SP110: variants seen among roughly 807,000 people sequenced by gnomAD.
SP110 encodes the protein SP110 nuclear body protein, also known as interferon-induced protein 41, 30kD.
SP110 carries 62 observed loss-of-function variants against 92.7 expected under a neutral mutation model. The ratio of observed to expected loss-of-function variants is 0.67; its 90% CI spans 0.55 to 0.83. SP110 has a LOEUF of 0.83. SP110 is among the 40% of genes least tolerant of loss of function. The probability of loss-of-function intolerance (pLI) is 0.00; values close to 1 mark genes in which losing one functional copy is unlikely to be tolerated. For synonymous variants in SP110, 273 were observed against 305.3 expected (o/e 0.89, Z 1.10); for missense variants, 793 against 863.9 (o/e 0.92, Z 1.03).
At chr2:230,207,408 T>C (rs996283322) in intron 8 of SP110, among the ~76,000 whole-genome samples, 16 of 152,158 alleles carry the variant, frequency 1.1e-4, no homozygotes, top group African/African-American at 3.9e-4. Flanking sequence ...GCAGCACTCA[T>C]ATATATAAGG....
chr2:230,176,707 A>G (rs774716172), intron 14 of SP110: 1 of 1,613,940 alleles, frequency 6.2e-7, no homozygotes, highest in African/African-American at 1.3e-5. Flanking sequence ...TTCTTGGAGG[A>G]CAGAGCAAAA....
intron 2 of SP110, 55 bp downstream of exon 2, chr2:230,216,726 A>G (rs1453208826): frequency 1.9e-6 from 3 of 1,604,260 alleles, no homozygotes; most frequent in Non-Finnish European, 2.6e-6. Context: ...AGACTTTAAT[A>G]ATCAGGCATA....
intron 2 of SP110, among the ~76,000 whole-genome samples, chr2:230,216,576 T>A (rs895484807): frequency 6.6e-6 from 1 of 152,206 alleles, no homozygotes; most frequent in Non-Finnish European, 1.5e-5. Context: ...TAGTCATTGT[T>A]ACAGCAGTCC....
At chr2:230,218,399 T>C (rs1399651161) in intron 1 of SP110, among the ~76,000 whole-genome samples, 1 of 152,106 alleles carries the variant, frequency 6.6e-6, no homozygotes, top group Non-Finnish European at 1.5e-5. Context: ...AAAGATGCCA[T>C]TGAGAGTCTG....
chr2:230,221,700 C>G (rs973358608), upstream of SP110: 1 of 1,535,912 alleles, frequency 6.5e-7, no homozygotes, highest in Non-Finnish European at 8.7e-7. Context: ...TCACATGTCA[C>G]TTACCTGAAG....
upstream of SP110, among the ~76,000 whole-genome samples, chr2:230,224,603 T>A (rs2046113181): frequency 6.6e-6 from 1 of 152,160 alleles, no homozygotes; most frequent in Non-Finnish European, 1.5e-5. Context: ...CAGATTGGTG[T>A]TTGTTCCTTT....
At chr2:230,203,623 A>G (rs1205438726) in intron 8 of SP110, 1 of 148,842 alleles carries the variant, frequency 6.7e-6, no homozygotes, top group Non-Finnish European at 1.5e-5. Context: ...TGCCAAGTTT[A>G]GGGTTTTTTT....
At chr2:230,191,959 T>C (rs1376185412) in intron 10 of SP110, among the ~76,000 whole-genome samples, 1 of 152,222 alleles carries the variant, frequency 6.6e-6, no homozygotes, top group East Asian at 1.9e-4. Flanking sequence ...GTTTCATCTC[T>C]GAGATGCAAG....
chr2:230,203,070 G>C (rs1232028088), intron 8 of SP110: 4 of 347,896 alleles, frequency 1.1e-5, no homozygotes, highest in Non-Finnish European at 2.2e-5. Context: ...GTGGAGAGGA[G>C]GTGTCTTATA....
chr2:230,212,399 A>T lies in SP110; in HGVS notation c.615T>A (p.Asn205Lys). Residue 205 changes from asparagine (N) to lysine (K), a missense_variant, in exon 5 of 19, where the codon AAT (asparagine) becomes AAA (lysine). Physicochemically the swap from Asn to Lys is moderately conservative, Grantham distance 94. Coordinates refer to ENST00000258381, the MANE Select transcript of SP110 (RefSeq NM_080424.4). ...GCATCTCTTCTGAGTCTTCTTCCGC[A>T]TTCATTTTGGATGTTAACTTGTCAT... ...VTNDKLTSKM[N>K]AEEDSEEMPS... The T allele has an allele frequency of 6.2e-7, 1 of 1,612,922 alleles. No individual in the cohort carries two copies. The highest frequency in any genetic ancestry group is 2.2e-5 in the East Asian group (1 of 44,884).
chr2:230,219,197 C>T (rs967780721), intron 1 of SP110, among the ~76,000 whole-genome samples: 4 of 152,204 alleles, frequency 2.6e-5, no homozygotes, highest in Non-Finnish European at 5.9e-5. Flanking sequence ...TGCACTCCAG[C>T]CTGGGTGACA....
Position 230,181,205 on chromosome 2 carries a change from A to C in SP110, c.1348+2367T>G, listed in dbSNP as rs116156957. Among the ~76,000 whole-genome samples, 1,223 of 152,356 alleles carry C rather than the reference A, an allele frequency of 8.0e-3. 17 individuals are homozygous for C. Among genetic ancestry groups the C allele is most frequent in the African/African-American group, 0.028 (1,168 of 41,584 alleles). Reference sequence around the variant, plus strand: ...AGAAGGCAGAAAAGGGTTTGGTTTCAAGAATTGGCTCTGACAGATGAGGTA... The same window carrying C: ...AGAAGGCAGAAAAGGGTTTGGTTTCCAGAATTGGCTCTGACAGATGAGGTA... On this transcript the variant is annotated intron_variant, in intron 12 of 18. Transcript: ENST00000258381.
intron 12 of SP110, among the ~76,000 whole-genome samples, chr2:230,180,666 A>C (rs1391977574): frequency 6.6e-6 from 1 of 152,194 alleles, no homozygotes; most frequent in African/African-American, 2.4e-5. Context: ...CCCAGTATCT[A>C]GCGCTCTTTC....
intron 14 of SP110, chr2:230,173,862 A>G (rs751071128): frequency 5.3e-5 from 8 of 152,184 alleles, no homozygotes; most frequent in Non-Finnish European, 7.3e-5. Flanking sequence ...ATTTCAACAG[A>G]TCTCAGCTGC....
chr2:230,169,300 C>G, intron 18 of SP110, 63 bp from the exon 19 acceptor site: 1 of 988,688 alleles, frequency 1.0e-6, no homozygotes, highest in South Asian at 1.3e-5. Flanking sequence ...TCAAATCACT[C>G]ATACTTTTTT....
rs1453626388 is a variant in SP110 at position 230,172,350 on chromosome 2, A to C, written c.1707-176T>G. ...CCAGCATTGGCCCTTCCCTCGCATCAGTGGTAGCGGCAGGCGGGCAGCCTG... is the reference window on the plus strand; with the variant it reads ...CCAGCATTGGCCCTTCCCTCGCATCCGTGGTAGCGGCAGGCGGGCAGCCTG... On this transcript the variant is annotated intron_variant, in intron 15 of 18. Coordinates refer to ENST00000258381, the MANE Select transcript of SP110 (RefSeq NM_080424.4). 4.5e-6 allele frequency: 3 copies of C among 661,660 alleles called. No individual in the cohort carries two copies. The East Asian group carries it at 8.1e-5, about 18-fold the overall frequency. The allele number at this position is 661,660 out of a possible 1,614,324, so 41.0% of individuals were successfully genotyped here.
rs185920199 is a variant in SP110 at position 230,190,736 on chromosome 2, A to C, written c.1130-4593T>G. Among the ~76,000 whole-genome samples, 465 of 152,262 alleles carry C rather than the reference A, an allele frequency of 3.1e-3. 4 individuals carry two copies. Among genetic ancestry groups the C allele is most frequent in the African/African-American group, 0.01 (435 of 41,554 alleles). ...TCCATCTTCAGTTATTTTTTGTATA[A>C]GATGTGAGGAAGGGGTCCAGTTTCA... On this transcript the variant is annotated intron_variant, in intron 10 of 18. Coordinates refer to ENST00000258381, the MANE Select transcript of SP110 (RefSeq NM_080424.4).
Position 230,214,952 on chromosome 2 carries a change from C to A in SP110, c.314G>T (p.Arg105Leu). 1 of 1,613,642 alleles carries A rather than the reference C, an allele frequency of 6.2e-7. No individual in the cohort carries two copies. Among genetic ancestry groups the A allele is most frequent in the South Asian group, 1.1e-5 (1 of 91,072 alleles). Residue 105 changes from arginine to leucine, a missense_variant and splice_region_variant, in exon 3 of 19, where the codon CGT (arginine) becomes CTT (leucine). Transcript: ENST00000258381. ...NLVTIYRSFKRVGASYEWQSR... is the reference protein window; with the variant it reads ...NLVTIYRSFKLVGASYEWQSR... ...AAGCACTTGAGAAATCTCATTACCA[C>A]GTTTGAAGCTTCTGTAAATCGTCAC...
At position 230,185,988 on chromosome 2, in the gene SP110, C is replaced by A; in HGVS notation, c.1279+6G>T. The A allele has an allele frequency of 6.2e-7, 1 of 1,613,702 alleles. No individual in the cohort carries two copies. Among genetic ancestry groups the A allele is most frequent in the Non-Finnish European group, 8.5e-7 (1 of 1,179,592 alleles). ...TTCAAATAGCAGATTCCATCATTAG[C>A]CTTACCTTTCAATCTGGACTTTCGG... On this transcript the variant is annotated splice_donor_region_variant and intron_variant, in intron 11 of 18. Coordinates refer to ENST00000258381, the MANE Select transcript of SP110 (RefSeq NM_080424.4).
Sources: allele counts gnomAD v4.1 joint callset (sites outside exome capture counted in the v4.1 genomes callset), GRCh38; gene constraint gnomAD v4.1.1; transcripts MANE v1.5; gene names NCBI Gene and HGNC (gene_info 2026-07-23, HGNC 2026-07-21).